Variants in LSM14A observed in about 807,000 individuals in gnomAD.
The protein encoded by LSM14A is protein LSM14 homolog A.
LSM14A carries 14 observed loss-of-function variants against 52.4 expected under a neutral mutation model. The observed-to-expected ratio is 0.27, with a 90% CI of 0.18 to 0.42. The LOEUF (loss-of-function observed/expected upper bound fraction) is 0.42. Ranked by LOEUF, LSM14A falls within the 10% of genes least tolerant of loss-of-function variation. The pLI is 1.00. For missense variants in LSM14A, 417 were observed against 581.8 expected (o/e 0.72, Z 2.91); for synonymous variants, 185 against 200.3 (o/e 0.92, Z 0.64).
intron 4 of LSM14A, among the ~76,000 whole-genome samples, chr19:34,213,486 C>T (rs904374035): frequency 2.0e-5 from 3 of 152,204 alleles, no homozygotes; most frequent in Admixed American, 2.0e-4. Flanking sequence ...AATGCATTGT[C>T]AGCACTCACC....
At chr19:34,226,660 G>A (rs1323456740) in intron 9 of LSM14A, among the ~76,000 whole-genome samples, 1 of 152,094 alleles carries the variant, frequency 6.6e-6, no homozygotes, top group East Asian at 1.9e-4. Flanking sequence ...TAACAGTTGG[G>A]GTGAGAATCA....
intron 2 of LSM14A, among the ~76,000 whole-genome samples, chr19:34,196,063 T>C (rs758067412): frequency 3.3e-5 from 5 of 152,338 alleles, no homozygotes; most frequent in Non-Finnish European, 5.9e-5. Flanking sequence ...AGATAATATA[T>C]GAAGTATACA....
chr19:34,193,705 T>C (rs2070634077), intron 1 of LSM14A, among the ~76,000 whole-genome samples: 1 of 152,154 alleles, frequency 6.6e-6, no homozygotes, highest in Non-Finnish European at 1.5e-5. Context: ...TCTAGAGGAC[T>C]TACTGCTCAG....
At chr19:34,180,060 C>T (rs534600937) in intron 1 of LSM14A, among the ~76,000 whole-genome samples, 40 of 152,292 alleles carry the variant, frequency 2.6e-4, no homozygotes, top group African/African-American at 9.6e-4. Context: ...GCTGGGACCA[C>T]AGGCACACAC....
chr19:34,182,620 A>G (rs939911332), intron 1 of LSM14A, among the ~76,000 whole-genome samples: 3 of 150,582 alleles, frequency 2.0e-5, no homozygotes, highest in Non-Finnish European at 4.4e-5. Flanking sequence ...GGCAGATCAC[A>G]AGGTCAGGAG....
chr19:34,177,257 G>A (rs1334181698), intron 1 of LSM14A, among the ~76,000 whole-genome samples: 1 of 151,906 alleles, frequency 6.6e-6, no homozygotes, highest in Non-Finnish European at 1.5e-5. Flanking sequence ...TATGGCTAGT[G>A]TTTCTTTTTT....
chr19:34,187,506 G>T (rs1050108988), intron 1 of LSM14A, among the ~76,000 whole-genome samples: 12 of 151,994 alleles, frequency 7.9e-5, no homozygotes, highest in African/African-American at 2.9e-4. Context: ...GCTAGGCTGG[G>T]CTCAAACTCC....
At chr19:34,172,872 C>G (rs2068800018) in intron 1 of LSM14A, 109 bp downstream of exon 1, 1 of 1,287,544 alleles carries the variant, frequency 7.8e-7, no homozygotes, top group African/African-American at 1.6e-5. Context: ...CGTCGAGCTC[C>G]GGGAGGCCTC....
chr19:34,223,739 T>C (rs1283605553), intron 9 of LSM14A, among the ~76,000 whole-genome samples: 8 of 152,204 alleles, frequency 5.3e-5, no homozygotes, highest in Non-Finnish European at 8.8e-5. Flanking sequence ...GAAGACCACA[T>C]TGAGTCAGCT....
intron 4 of LSM14A, among the ~76,000 whole-genome samples, chr19:34,209,571 A>C (rs1284387436): frequency 6.6e-6 from 1 of 152,230 alleles, no homozygotes; most frequent in Non-Finnish European, 1.5e-5. Flanking sequence ...TTTATATTTT[A>C]ATAAGCTTCT....
At chr19:34,181,290 A>AC (rs1174197452) in intron 1 of LSM14A, among the ~76,000 whole-genome samples, 3 of 151,664 alleles carry the variant, frequency 2.0e-5, no homozygotes, top group Admixed American at 2.0e-4. Flanking sequence ...CAACCAAAAA[A>AC]CCCCACTGTA....
chr19:34,207,718 A>G (rs1404533220), intron 3 of LSM14A, among the ~76,000 whole-genome samples: 1 of 151,974 alleles, frequency 6.6e-6, no homozygotes, highest in African/African-American at 2.4e-5. Flanking sequence ...TTTTGTAGAG[A>G]CGAGGTTTCA....
At chr19:34,189,427 T>A (rs1298829740) in intron 1 of LSM14A, among the ~76,000 whole-genome samples, 1 of 152,160 alleles carries the variant, frequency 6.6e-6, no homozygotes, top group African/African-American at 2.4e-5. Flanking sequence ...GCATCTAGCA[T>A]AGTACCTGGG....
In LSM14A at chr19:34,172,569, G is replaced by C. The variant is rs1273047469; in HGVS notation, c.-74G>C. 113 of 1,432,106 alleles carry C rather than the reference G, an allele frequency of 7.9e-5. No homozygotes were observed. The highest frequency in any genetic ancestry group is 1.0e-4 in the Non-Finnish European group (111 of 1,090,804). 88.7% of individuals were successfully genotyped at this position (1,432,106 alleles called of 1,614,324 possible). ...TGCTGTAGGCGCCGACGGAGCGAGCGGGCGTGCGGAGCGGGCGACAGTGGC... is the reference window on the plus strand; with the variant it reads ...TGCTGTAGGCGCCGACGGAGCGAGCCGGCGTGCGGAGCGGGCGACAGTGGC... On this transcript the variant is annotated 5_prime_UTR_variant, in exon 1 of 10. Coordinates refer to ENST00000544216, the MANE Select transcript of LSM14A (RefSeq NM_015578.4).
intron 4 of LSM14A, among the ~76,000 whole-genome samples, chr19:34,213,223 A>C (rs907970740): frequency 1.3e-5 from 2 of 151,342 alleles, no homozygotes; most frequent in Non-Finnish European, 2.9e-5. Context: ...GCCAAAACTT[A>C]CATAAACCAT....
chr19:34,190,980 A>G (rs992075541), intron 1 of LSM14A, among the ~76,000 whole-genome samples: 11 of 151,906 alleles, frequency 7.2e-5, no homozygotes, highest in Admixed American at 5.3e-4. Context: ...ATCTTTAATT[A>G]TATTTTTCTT....
chr19:34,223,610 G>A (rs559515370), intron 9 of LSM14A, among the ~76,000 whole-genome samples: 1 of 152,254 alleles, frequency 6.6e-6, no homozygotes, highest in African/African-American at 2.4e-5. Flanking sequence ...TTATTCCTTT[G>A]AGATGTCCCT....
chr19:34,219,426 G>T lies in LSM14A; in HGVS notation c.817G>T (p.Gly273Trp). The T allele has an allele frequency of 1.2e-6, 2 of 1,613,822 alleles. No homozygotes were observed. Among genetic ancestry groups the T allele is most frequent in the Non-Finnish European group, 1.7e-6 (2 of 1,179,856 alleles). ...TCCTTCAGCTCCAAGGAGAGGGCGT[G>T]GGGGTCATCGGGGTGGCAGGGGAAG... Reference protein sequence around the residue: ...GAPSAPRRGRGGHRGGRGRFG... With the variant: ...GAPSAPRRGRWGHRGGRGRFG... Residue 273 changes from glycine to tryptophan, a missense_variant, in exon 7 of 10, where the codon GGG becomes TGG. Gly to Trp is a radical substitution (Grantham distance 184). Coordinates refer to ENST00000544216, the MANE Select transcript of LSM14A (RefSeq NM_015578.4).
chr19:34,221,326 GC>G (rs1248971062), intron 8 of LSM14A, 180 bp from the exon 9 acceptor site: 2 of 642,840 alleles, frequency 3.1e-6, no homozygotes, highest in African/African-American at 3.6e-5. Context: ...CAGGCGATCC[GC>G]CCCCTCGGCC....
Sources: gnomAD v4.1 joint callset for allele counts (sites outside exome capture counted in the v4.1 genomes callset) on GRCh38, gnomAD v4.1.1 for gene constraint, MANE v1.5 for transcripts, NCBI Gene and HGNC (gene_info 2026-07-23, HGNC 2026-07-21) for gene names.